Variants in CD320 observed in about 807,000 individuals in gnomAD.
CD320 encodes CD320 molecule.
In CD320, 16 loss-of-function variants were observed where a neutral mutation model predicts 22.1. The ratio of observed to expected loss-of-function variants is 0.73; its 90% confidence interval spans 0.49 to 1.10. The LOEUF is 1.10. Among genes scored for constraint, CD320 ranks in the 50% least tolerant of loss-of-function variants. The pLI is 0.00. For missense variants in CD320, 388 were observed against 376.9 expected, an observed-to-expected ratio of 1.03 and a Z score of -0.24; for synonymous variants, 188 against 167.8, an observed-to-expected ratio of 1.12 and a Z score of -0.93.
chr19:8,303,453 C>T (rs1185715268), intron 3 of CD320, among the ~76,000 whole-genome samples: 1 of 151,380 alleles, frequency 6.6e-6, no homozygotes, highest in African/African-American at 2.4e-5. Flanking sequence ...TTTGCTGTCA[C>T]CCAGACTGGT....
Position 8,308,110 on chromosome 19 carries a change from C to G in CD320, c.142+39G>C, listed in dbSNP as rs2232777. 0.024 allele frequency: 34,549 copies of G among 1,442,454 alleles called. 621 individuals are homozygous for G. Among genetic ancestry groups the G allele is most frequent in the Middle Eastern group, 0.074 (305 of 4,096 alleles). The allele number at this position is 1,442,454 out of a possible 1,614,324, so 89.4% of individuals were successfully genotyped here. A position where few individuals can be genotyped will look rare whatever the true frequency, so the allele number is the denominator to read the frequency against. On this transcript the variant is annotated intron_variant, in intron 1 of 4. Coordinates refer to ENST00000301458, the MANE Select transcript of CD320 (RefSeq NM_016579.4). The stretch of plus-strand genomic sequence containing the variant: ...GGTGCGCGGCGGCGGGGCGAAGCCT[C>G]GCGAGGGGTGGGAGCCCGCGCTGCG...
Position 8,304,195 on chromosome 19 carries a change from A to G in CD320, c.269-107T>C, listed in dbSNP as rs907799125. ...CCACCCTCTAAGAACAGCTGAGCCC[A>G]AAAAAATGCTCCCTTCCTAAGGCTC... On this transcript the variant is annotated intron_variant, in intron 2 of 4. Coordinates refer to ENST00000301458, the MANE Select transcript of CD320 (RefSeq NM_016579.4). The G allele has an allele frequency of 6.6e-5, 36 of 549,206 alleles. No individual in the cohort carries two copies. The African/African-American group carries it at 1.8e-3, about 28-fold the overall frequency. 34.0% of individuals were successfully genotyped at this position (549,206 alleles called of 1,614,324 possible).
chr19:8,307,013 CTG>C (rs1421132631), intron 1 of CD320, among the ~76,000 whole-genome samples: 1 of 152,120 alleles, frequency 6.6e-6, no homozygotes, highest in Admixed American at 6.6e-5. Context: ...AAAAAAGAGA[CTG>C]TGTATAGAGT....
rs1970052717 is a variant in CD320, at chr19:8,304,104, G to A, written c.269-16C>T. On this transcript the variant is annotated splice_polypyrimidine_tract_variant and intron_variant, in intron 2 of 4. Transcript: ENST00000301458. ...GGCTCAATCCCTGGGGCACAGGGTT[G>A]GTCAGGTCCCAAATGCCCACCCAAG... is the stretch of plus-strand genomic sequence containing the variant. The A allele has an allele frequency of 7.2e-7, 1 of 1,384,216 alleles. No homozygotes were observed. The allele number at this position is 1,384,216 out of a possible 1,614,324, so 85.7% of individuals were successfully genotyped here.
chr19:8,304,363 G>T (rs1381356894), intron 2 of CD320, among the ~76,000 whole-genome samples: 2 of 152,108 alleles, frequency 1.3e-5, no homozygotes, highest in Non-Finnish European at 2.9e-5. Context: ...TTTCTTTTGA[G>T]ACGGGGTCTC....
intron 2 of CD320, among the ~76,000 whole-genome samples, chr19:8,304,487 G>A (rs1970057409): frequency 1.3e-5 from 2 of 151,956 alleles, no homozygotes; most frequent in South Asian, 2.1e-4. Context: ...GGATTACAGG[G>A]GCCTGCCGCC....
intron 1 of CD320, among the ~76,000 whole-genome samples, chr19:8,307,551 C>T (rs910520828): frequency 2.0e-5 from 3 of 152,132 alleles, no homozygotes; most frequent in African/African-American, 7.2e-5. Context: ...GGAGCCCGTC[C>T]CCACTGGCCA....
chr19:8,303,080 C>G, intron 3 of CD320, 100 bp from the exon 4 acceptor site: 6 of 870,104 alleles, frequency 6.9e-6, no homozygotes, highest in Non-Finnish European at 7.5e-6. Context: ...CTCAACCAAC[C>G]AGGCTGGGTG....
At chr19:8,307,256 T>G (rs1335932675) in intron 1 of CD320, among the ~76,000 whole-genome samples, 1 of 148,634 alleles carries the variant, frequency 6.7e-6, no homozygotes, top group Admixed American at 6.8e-5. Flanking sequence ...TGCACTGCAC[T>G]CCAGCCAGGG....
chr19:8,308,306 G>C lies in CD320; in HGVS notation c.-16C>G, dbSNP rs763632326. On this transcript the variant is annotated 5_prime_UTR_variant, in exon 1 of 5. Coordinates refer to ENST00000301458, the MANE Select transcript of CD320 (RefSeq NM_016579.4). ...CGCCGCTCATGCTGTCCCCACAGCG[G>C]CGCCGGCCACGCGCTGTCCAGACCG... 4.4e-6 allele frequency: 7 copies of C among 1,583,894 alleles called. No homozygotes were observed. Among genetic ancestry groups the C allele is most frequent in the Non-Finnish European group, 6.0e-6 (7 of 1,172,308 alleles).
chr19:8,303,946 G>C lies in CD320; in HGVS notation c.411C>G (p.Leu137=). The C allele has an allele frequency of 6.3e-7, 1 of 1,592,952 alleles. No individual in the cohort carries two copies. ...CSRLACLAGE[L]RCTLSDDCIP... is the part of the protein sequence containing the mutation. Reference sequence around the variant, plus strand: ...TGCAGTCATCGCTCAGCGTGCAACGGAGCTCGCCTGCTAGGCAGGCCAGGC... The same window carrying C: ...TGCAGTCATCGCTCAGCGTGCAACGCAGCTCGCCTGCTAGGCAGGCCAGGC... The change falls in exon 3 of 5, where the codon CTC becomes CTG. Residue 137 remains leucine, a synonymous_variant. Transcript: ENST00000301458.
At chr19:8,303,281 T>A (rs1599621327) in intron 3 of CD320, among the ~76,000 whole-genome samples, 1 of 152,012 alleles carries the variant, frequency 6.6e-6, no homozygotes, top group African/African-American at 2.4e-5. Flanking sequence ...CACGCCTAGC[T>A]AACTTTTGTA....
Position 8,303,134 on chromosome 19 carries a change from G to T in CD320, c.503-154C>A, listed in dbSNP as rs6603162. Reference sequence around the variant, plus strand: ...TATGTCTTTTTTTTTTTTTTTTTTTGGAGAGGGAGTCTGGCTCTGCCACCC... The same window carrying T: ...TATGTCTTTTTTTTTTTTTTTTTTTTGAGAGGGAGTCTGGCTCTGCCACCC... On this transcript the variant is annotated intron_variant, in intron 3 of 4. Transcript: ENST00000301458. Among the ~76,000 whole-genome samples the T allele has an allele frequency of 0.19, 14,689 of 75,646 alleles. 1,465 individuals carry two copies. Among genetic ancestry groups the T allele is most frequent in the African/African-American group, 0.36 (10,081 of 27,640 alleles). The allele number at this position is 75,646 out of a possible 152,430, so 49.6% of individuals were successfully genotyped here. A position where few individuals can be genotyped will look rare whatever the true frequency, so the allele number is the denominator to read the frequency against.
intron 2 of CD320, 79 bp from the exon 3 acceptor site, chr19:8,304,167 G>A (rs1399627990): frequency 2.7e-6 from 2 of 754,378 alleles, no homozygotes; most frequent in South Asian, 1.6e-5. Flanking sequence ...TCCCCTGCAA[G>A]CCCCACCCTC....
At chr19:8,307,812 A>G (rs972083110) in intron 1 of CD320, among the ~76,000 whole-genome samples, 3 of 152,160 alleles carry the variant, frequency 2.0e-5, no homozygotes, top group African/African-American at 7.2e-5. Flanking sequence ...CGGTCGGACA[A>G]TCTGAGCCTG....
chr19:8,303,836 CA>C lies in CD320; in HGVS notation c.502+18del. On this transcript the variant is annotated intron_variant, in intron 3 of 4. Transcript: ENST00000301458. ...TCCCCATCTACCCACGAGTCCACCC[CA>C]GCCCCGCAGGTGCATACCACAGCCG... The C allele has an allele frequency of 6.5e-7, 1 of 1,543,906 alleles. No homozygotes were observed. Among genetic ancestry groups the C allele is most frequent in the Non-Finnish European group, 8.8e-7 (1 of 1,135,742 alleles).
At chr19:8,306,718 C>A (rs1010466502) in intron 1 of CD320, among the ~76,000 whole-genome samples, 1 of 152,246 alleles carries the variant, frequency 6.6e-6, no homozygotes, top group African/African-American at 2.4e-5. Flanking sequence ...GAGCTGTGGA[C>A]AAACCGGTGC....
chr19:8,302,372 G>A lies in CD320; in HGVS notation c.*91C>T. The A allele has an allele frequency of 6.0e-6, 9 of 1,507,744 alleles. No individual in the cohort carries two copies. Among genetic ancestry groups the A allele is most frequent in the Non-Finnish European group, 8.3e-6 (9 of 1,088,258 alleles). The allele number at this position is 1,507,744 out of a possible 1,614,324, so 93.4% of individuals were successfully genotyped here. ...GCCAGAAGAGCTCAGGTCTCTGAGG[G>A]CTGGTGTGCCCGGGTACCCATCCGC... On this transcript the variant is annotated 3_prime_UTR_variant, in exon 5 of 5. Transcript: ENST00000301458.
chr19:8,307,896 G>C (rs1042681738), intron 1 of CD320, among the ~76,000 whole-genome samples: 1 of 152,196 alleles, frequency 6.6e-6, no homozygotes, highest in South Asian at 2.1e-4. Context: ...GGGCACAGCA[G>C]GTGTGGAGAC....
Sources: gnomAD v4.1 joint callset for allele counts (sites outside exome capture counted in the v4.1 genomes callset) on GRCh38, gnomAD v4.1.1 for gene constraint, MANE v1.5 for transcripts, NCBI Gene and HGNC (gene_info 2026-07-23, HGNC 2026-07-21) for gene names.